Variants in ABTB3 observed in about 807,000 individuals in gnomAD.
ABTB3 encodes the protein ankyrin repeat and BTB domain containing 3, also known as ankyrin repeat- and BTB/POZ domain-containing protein 3.
the ABTB3 span, among the ~76,000 whole-genome samples, chr12:107,447,716 C>T: frequency 6.6e-6 from 1 of 152,144 alleles, no homozygotes; most frequent in African/African-American, 2.4e-5. Flanking sequence ...ACAGGTCAAC[C>T]CATGTAATGG....
chr12:107,370,498 G>A, the ABTB3 span, among the ~76,000 whole-genome samples: 5 of 152,154 alleles, frequency 3.3e-5, no homozygotes, highest in African/African-American at 1.2e-4. Context: ...TTCTTCACAT[G>A]GGCTTTAGGA....
At chr12:107,484,027 T>C in the ABTB3 span, among the ~76,000 whole-genome samples, 1 of 152,092 alleles carries the variant, frequency 6.6e-6, no homozygotes, top group East Asian at 1.9e-4. Context: ...AATCCACGAA[T>C]CAGATGTGCC....
the ABTB3 span, chr12:107,320,074 C>A: frequency 5.4e-6 from 8 of 1,483,076 alleles, no homozygotes; most frequent in Non-Finnish European, 6.3e-6. Context: ...AGAACGCCAG[C>A]GGTAAGTGTC....
the ABTB3 span, among the ~76,000 whole-genome samples, chr12:107,379,778 C>T: frequency 1.3e-5 from 2 of 152,216 alleles, no homozygotes; most frequent in African/African-American, 2.4e-5. Flanking sequence ...CCTTGAGGAG[C>T]TTACAGAGCC....
At chr12:107,581,323 G>C in the ABTB3 span, 1,047 of 1,313,040 alleles carry the variant, frequency 8.0e-4, 8 homozygotes, top group African/African-American at 0.015. Flanking sequence ...GGGGGCGGGC[G>C]GGGGGCGGCA....
the ABTB3 span, among the ~76,000 whole-genome samples, chr12:107,409,506 C>A: frequency 5.3e-5 from 8 of 152,172 alleles, no homozygotes; most frequent in Non-Finnish European, 1.2e-4. Flanking sequence ...ATATATACAC[C>A]ATGGAATACT....
At chr12:107,515,338 T>C in the ABTB3 span, among the ~76,000 whole-genome samples, 358 of 152,302 alleles carry the variant, frequency 2.4e-3, 2 homozygotes, top group Non-Finnish European at 3.5e-3. Context: ...TCTGTACTAT[T>C]AATTAGACAA....
the ABTB3 span, among the ~76,000 whole-genome samples, chr12:107,510,095 G>A: frequency 6.6e-6 from 1 of 152,196 alleles, no homozygotes; most frequent in African/African-American, 2.4e-5. Flanking sequence ...ACAGCTGGAA[G>A]CCGGTAAGGT....
At chr12:107,469,985 T>TC in the ABTB3 span, among the ~76,000 whole-genome samples, 2 of 99,002 alleles carry the variant, frequency 2.0e-5, no homozygotes, top group African/African-American at 1.2e-4. Flanking sequence ...TCTTTCTTTC[T>TC]TTCTTTCTTT....
At chr12:107,478,529 AAAG>A in the ABTB3 span, among the ~76,000 whole-genome samples, 1 of 152,212 alleles carries the variant, frequency 6.6e-6, no homozygotes, top group Non-Finnish European at 1.5e-5. Flanking sequence ...TAATTAAAGA[AAAG>A]AATTAATTAA....
the ABTB3 span, among the ~76,000 whole-genome samples, chr12:107,400,234 C>A: frequency 2.0e-4 from 31 of 152,218 alleles, no homozygotes; most frequent in Middle Eastern, 0.01. Flanking sequence ...AATGGTATTT[C>A]TGCTTTACAT....
At chr12:107,444,912 G>A in the ABTB3 span, among the ~76,000 whole-genome samples, 1 of 152,162 alleles carries the variant, frequency 6.6e-6, no homozygotes, top group African/African-American at 2.4e-5. Flanking sequence ...GGACCACAGA[G>A]TGCTCCAGAG....
the ABTB3 span, among the ~76,000 whole-genome samples, chr12:107,653,920 A>T: frequency 6.6e-6 from 1 of 152,066 alleles, no homozygotes; most frequent in South Asian, 2.1e-4. Context: ...CTGAAACTGT[A>T]CCCTTTAAAC....
chr12:107,468,452 C>T, the ABTB3 span, among the ~76,000 whole-genome samples: 16 of 152,242 alleles, frequency 1.1e-4, no homozygotes, highest in South Asian at 6.2e-4. Context: ...CAGGGACCTG[C>T]GTGTGAGTAG....
chr12:107,611,174 T>C, the ABTB3 span, among the ~76,000 whole-genome samples: 4 of 152,248 alleles, frequency 2.6e-5, no homozygotes, highest in African/African-American at 4.8e-5. Flanking sequence ...CTTGCCTTTT[T>C]CAATATTTTA....
chr12:107,318,875 A>T, the ABTB3 span: 1 of 1,486,702 alleles, frequency 6.7e-7, no homozygotes, highest in South Asian at 1.4e-5. Flanking sequence ...GCCCCGCGGC[A>T]CTCGCTGCTC....
the ABTB3 span, among the ~76,000 whole-genome samples, chr12:107,621,264 A>G: frequency 5.0e-4 from 76 of 152,168 alleles, no homozygotes; most frequent in Admixed American, 1.7e-3. Flanking sequence ...CAGGACCCCA[A>G]ATGGGAGCAG....
At chr12:107,484,710 C>G in the ABTB3 span, among the ~76,000 whole-genome samples, 3 of 151,976 alleles carry the variant, frequency 2.0e-5, no homozygotes, top group South Asian at 6.2e-4. Flanking sequence ...TCAATAATCT[C>G]AGTCAGCAAT....
the ABTB3 span, among the ~76,000 whole-genome samples, chr12:107,573,059 C>T: frequency 6.6e-6 from 1 of 152,160 alleles, no homozygotes; most frequent in East Asian, 1.9e-4. Flanking sequence ...GTGGCACTGA[C>T]CTTCACGCTG....
Sources: gnomAD v4.1 joint callset for allele counts (sites outside exome capture counted in the v4.1 genomes callset) on GRCh38, gnomAD v4.1.1 for gene constraint, MANE v1.5 for transcripts, NCBI Gene and HGNC (gene_info 2026-07-23, HGNC 2026-07-21) for gene names.